ASB3: variants seen among roughly 807,000 people sequenced by gnomAD.
The protein encoded by ASB3 is ankyrin repeat and SOCS box protein 3.
ASB3 carries 41 observed loss-of-function variants against 54.5 expected under a neutral mutation model. The ratio of observed to expected loss-of-function variants is 0.75; its 90% confidence interval spans 0.59 to 0.98. The LOEUF is 0.98. ASB3 is among the 50% of genes least tolerant of loss of function. The pLI, the probability that ASB3 is intolerant of heterozygous loss-of-function variation, is 0.00. For synonymous variants in ASB3, 266 were observed against 221.2 expected (o/e 1.20, Z -1.80); for missense variants, 733 against 620.0 (o/e 1.18, Z -1.94).
chr2:53,749,114 A>AT (rs1672383965), intron 3 of ASB3, among the ~76,000 whole-genome samples: 1 of 152,136 alleles, frequency 6.6e-6, no homozygotes, highest in Non-Finnish European at 1.5e-5. Context: ...GACTACTTCC[A>AT]TAAGTCTGAA....
At chr2:53,736,534 TA>T (rs1010503381) in intron 3 of ASB3, among the ~76,000 whole-genome samples, 1 of 151,538 alleles carries the variant, frequency 6.6e-6, no homozygotes, top group East Asian at 1.9e-4. Context: ...CTGTCTCTAC[TA>T]AAAATACAAA....
At chr2:53,727,748 CAG>C (rs1671085352) in intron 5 of ASB3, among the ~76,000 whole-genome samples, 1 of 151,986 alleles carries the variant, frequency 6.6e-6, no homozygotes, top group Admixed American at 6.6e-5. Context: ...TTTTTGGAGA[CAG>C]AGTCTCCCTC....
rs1181353447 is a variant in ASB3 at position 53,700,931 on chromosome 2, T to C, written c.981-403A>G. ...AATGATTCTAGGAATCTCTAAGATA[T>C]CATTTTCCTTAGCAATAACCTTAGC... On this transcript the variant is annotated intron_variant, in intron 7 of 9. Transcript: ENST00000263634. Among the ~76,000 whole-genome samples the C allele has an allele frequency of 2.0e-4, 30 of 152,204 alleles. 1 individual carries two copies. The highest frequency in any genetic ancestry group is 1.5e-5 in the Non-Finnish European group (1 of 68,032).
chr2:53,751,957 A>G (rs1672538839), intron 2 of ASB3, among the ~76,000 whole-genome samples: 1 of 152,202 alleles, frequency 6.6e-6, no homozygotes, highest in Non-Finnish European at 1.5e-5. Context: ...CTCTTATTCA[A>G]AGTAGTTTAT....
At chr2:53,717,235 C>T (rs1366907956) in intron 5 of ASB3, among the ~76,000 whole-genome samples, 1 of 152,124 alleles carries the variant, frequency 6.6e-6, no homozygotes, top group East Asian at 1.9e-4. Context: ...TGCAAACTAT[C>T]AAACATGGAT....
At chr2:53,706,687 C>T (rs987293129) in intron 7 of ASB3, among the ~76,000 whole-genome samples, 2 of 152,088 alleles carry the variant, frequency 1.3e-5, no homozygotes, top group African/African-American at 4.8e-5. Flanking sequence ...CCTCGTGATC[C>T]GCCCACCTTG....
chr2:53,695,466 G>A (rs969584309), intron 8 of ASB3, among the ~76,000 whole-genome samples: 14 of 151,838 alleles, frequency 9.2e-5, no homozygotes, highest in African/African-American at 2.7e-4. Flanking sequence ...CAAACCAAAG[G>A]TTACTTGGTT....
chr2:53,700,072 G>C (rs534318929), intron 8 of ASB3, among the ~76,000 whole-genome samples, 199 bp downstream of exon 8: 2 of 152,146 alleles, frequency 1.3e-5, no homozygotes, highest in African/African-American at 4.8e-5. Flanking sequence ...CCTCCTTCCA[G>C]TCACCTCTTA....
intron 5 of ASB3, among the ~76,000 whole-genome samples, chr2:53,720,467 TA>T (rs1010972275): frequency 3.3e-5 from 5 of 151,846 alleles, no homozygotes; most frequent in African/African-American, 1.2e-4. Flanking sequence ...AAATTATATA[TA>T]AAAAAACCAA....
intron 2 of ASB3, among the ~76,000 whole-genome samples, chr2:53,762,532 T>C (rs1236915799): frequency 5.3e-5 from 8 of 152,240 alleles, no homozygotes; most frequent in African/African-American, 1.9e-4. Context: ...CATGAACTAA[T>C]AAAAAATACT....
intron 1 of ASB3, among the ~76,000 whole-genome samples, chr2:53,770,821 G>A (rs1673850919): frequency 6.6e-6 from 1 of 152,086 alleles, no homozygotes; most frequent in South Asian, 2.1e-4. Context: ...ACACGAATAG[G>A]CCAGTTCTAA....
At chr2:53,734,252 T>C (rs1671489450) in intron 3 of ASB3, among the ~76,000 whole-genome samples, 1 of 152,190 alleles carries the variant, frequency 6.6e-6, no homozygotes, top group Admixed American at 6.5e-5. Flanking sequence ...GTTCCTCATA[T>C]TGTCTCTTCT....
chr2:53,676,330 C>G (rs539535689), intron 9 of ASB3, among the ~76,000 whole-genome samples: 1 of 152,330 alleles, frequency 6.6e-6, no homozygotes, highest in East Asian at 1.9e-4. Context: ...TTCATGTTAT[C>G]TCCATTACCT....
At chr2:53,722,456 C>T (rs1015363793) in intron 5 of ASB3, among the ~76,000 whole-genome samples, 1 of 152,122 alleles carries the variant, frequency 6.6e-6, no homozygotes, top group Non-Finnish European at 1.5e-5. Flanking sequence ...AATCCAGCAA[C>T]ACATCAAAAA....
intron 2 of ASB3, among the ~76,000 whole-genome samples, chr2:53,752,051 C>G (rs1672542933): frequency 6.6e-6 from 1 of 152,034 alleles, no homozygotes; most frequent in Non-Finnish European, 1.5e-5. Context: ...GACATGAAAA[C>G]CTAGGAACAC....
chr2:53,705,747 T>C (rs1418602978), intron 7 of ASB3, among the ~76,000 whole-genome samples: 5 of 152,220 alleles, frequency 3.3e-5, no homozygotes, highest in African/African-American at 1.2e-4. Context: ...CTGACGCTCT[T>C]GTTTTTTTCT....
chr2:53,769,837 C>A (rs1673769349), intron 1 of ASB3, among the ~76,000 whole-genome samples: 1 of 151,804 alleles, frequency 6.6e-6, no homozygotes, highest in Non-Finnish European at 1.5e-5. Context: ...AGTGAAATTC[C>A]GTCTCAAAAA....
intron 8 of ASB3, among the ~76,000 whole-genome samples, chr2:53,697,694 G>A (rs1466830176): frequency 1.3e-5 from 2 of 152,188 alleles, no homozygotes; most frequent in African/African-American, 4.8e-5. Flanking sequence ...ACATATCCAA[G>A]AAGCAAAGAG....
At chr2:53,732,195 G>C (rs531962048) in intron 3 of ASB3, among the ~76,000 whole-genome samples, 2 of 151,222 alleles carry the variant, frequency 1.3e-5, no homozygotes, top group South Asian at 4.2e-4. Flanking sequence ...CTGGCCTCAG[G>C]TGATCCACCT....
Sources: gnomAD v4.1 joint callset for allele counts (sites outside exome capture counted in the v4.1 genomes callset) on GRCh38, gnomAD v4.1.1 for gene constraint, MANE v1.5 for transcripts, NCBI Gene and HGNC (gene_info 2026-07-23, HGNC 2026-07-21) for gene names.